CDYL: variants seen among roughly 807,000 people sequenced by gnomAD.
The protein encoded by CDYL is chromodomain Y-like protein.
In CDYL, 8 loss-of-function variants were observed where a neutral mutation model predicts 47.3. The ratio of observed to expected loss-of-function variants is 0.17; its 90% CI spans 0.10 to 0.31. CDYL has a LOEUF of 0.31. Ranked by LOEUF, CDYL falls within the 10% of genes least tolerant of loss-of-function variation. CDYL has a pLI of 1.00. For missense variants in CDYL, 471 were observed against 701.4 expected, an observed-to-expected ratio of 0.67 and a Z score of 3.71; for synonymous variants, 266 against 265.0, an observed-to-expected ratio of 1.00 and a Z score of -0.04.
intron 1 of CDYL, among the ~76,000 whole-genome samples, chr6:4,844,754 GGT>G (rs1411615610): frequency 4.0e-5 from 6 of 151,744 alleles, no homozygotes; most frequent in African/African-American, 1.5e-4. Context: ...TTTGTGCTGA[GGT>G]AAGGTAGCTT....
intron 4 of CDYL, among the ~76,000 whole-genome samples, chr6:4,939,542 A>G (rs751922871): frequency 5.9e-5 from 9 of 152,234 alleles, no homozygotes; most frequent in Non-Finnish European, 1.3e-4. Context: ...TTTACAGGCT[A>G]TCACATTATG....
chr6:4,905,983 A>G (rs949502597), intron 2 of CDYL, among the ~76,000 whole-genome samples: 2 of 152,174 alleles, frequency 1.3e-5, no homozygotes, highest in South Asian at 2.1e-4. Flanking sequence ...TTCTACAGTG[A>G]TTTAAGCCTT....
chr6:4,732,075 C>G (rs1158353068), intron 2 of CDYL, among the ~76,000 whole-genome samples: 2 of 152,170 alleles, frequency 1.3e-5, no homozygotes. Context: ...TGGTCCATCC[C>G]TGTAATCCCA....
intron 1 of CDYL, among the ~76,000 whole-genome samples, chr6:4,789,587 C>T (rs1031937092): frequency 1.3e-5 from 2 of 152,188 alleles, no homozygotes; most frequent in East Asian, 1.9e-4. Context: ...TTGAGGAGCT[C>T]TGCAGTGCTC....
rs77180197 is a variant in CDYL, at chr6:4,715,553, T to C, written c.-38-188T>C. ...TTTAAACATTGCTTTTTATTCCTTATCATTTTAAATGTGTTGCTACTTTTG... is the reference window on the plus strand; with the variant it reads ...TTTAAACATTGCTTTTTATTCCTTACCATTTTAAATGTGTTGCTACTTTTG... On this transcript the variant is annotated intron_variant, in intron 1 of 8. Transcript: ENST00000328908. Among the ~76,000 whole-genome samples the C allele has an allele frequency of 6.2e-3, 947 of 152,340 alleles. 20 individuals carry two copies. In the East Asian group the frequency reaches 0.078, roughly 13 times the overall value.
intron 3 of CDYL, among the ~76,000 whole-genome samples, chr6:4,761,711 CTAAT>C (rs1315590261): frequency 6.6e-6 from 1 of 152,226 alleles, no homozygotes; most frequent in Non-Finnish European, 1.5e-5. Flanking sequence ...ACCACCTACT[CTAAT>C]TAGCAAAATA....
chr6:4,848,933 A>G (rs1760743666), intron 1 of CDYL, among the ~76,000 whole-genome samples: 1 of 152,248 alleles, frequency 6.6e-6, no homozygotes, highest in African/African-American at 2.4e-5. Flanking sequence ...TACTTTGTTA[A>G]TAATACTTGA....
intron 1 of CDYL, among the ~76,000 whole-genome samples, chr6:4,788,903 T>C (rs1401804416): frequency 1.3e-5 from 2 of 152,092 alleles, no homozygotes; most frequent in African/African-American, 4.8e-5. Context: ...TCCTCCATTG[T>C]GCCAGGTGGA....
chr6:4,875,800 A>G (rs1273157113), intron 1 of CDYL, among the ~76,000 whole-genome samples: 1 of 152,228 alleles, frequency 6.6e-6, no homozygotes, highest in East Asian at 1.9e-4. Context: ...GAATGTTTAT[A>G]ACCCACTACA....
At chr6:4,849,372 T>TA (rs1760754006) in intron 1 of CDYL, among the ~76,000 whole-genome samples, 1 of 152,198 alleles carries the variant, frequency 6.6e-6, no homozygotes, top group South Asian at 2.1e-4. Flanking sequence ...TATGAAAACA[T>TA]ACCTTAATGA....
At chr6:4,790,310 G>A (rs1758884554) in intron 1 of CDYL, among the ~76,000 whole-genome samples, 1 of 152,220 alleles carries the variant, frequency 6.6e-6, no homozygotes, top group South Asian at 2.1e-4. Flanking sequence ...AATACTATGT[G>A]TAAGTGACCT....
chr6:4,739,433 C>A (rs1455398372), intron 3 of CDYL, among the ~76,000 whole-genome samples: 2 of 148,676 alleles, frequency 1.3e-5, no homozygotes, highest in African/African-American at 5.0e-5. Flanking sequence ...GCAGAAGAAT[C>A]ACTTGAATCT....
intron 1 of CDYL, among the ~76,000 whole-genome samples, chr6:4,781,256 C>T (rs1023404094): frequency 3.3e-5 from 5 of 152,186 alleles, no homozygotes; most frequent in Non-Finnish European, 7.3e-5. Context: ...CCTGCTCTCT[C>T]CTGTGCACCA....
intron 1 of CDYL, among the ~76,000 whole-genome samples, chr6:4,860,577 A>G (rs1761137424): frequency 6.8e-6 from 1 of 146,922 alleles, no homozygotes; most frequent in Non-Finnish European, 1.5e-5. Context: ...TATTTTGTAT[A>G]TTATGTATAA....
rs569588960 is a variant in CDYL at position 4,940,927 on chromosome 6, G to A, written c.1122-2619G>A. ...CTCAGCCATGGAAAGCAGCACACTG[G>A]CTGCCCAACTTCAGGTCCCTGCTGC... On this transcript the variant is annotated intron_variant, in intron 4 of 6. Transcript: ENST00000397588. Among the ~76,000 whole-genome samples the A allele has an allele frequency of 8.6e-4, 131 of 152,312 alleles. 1 individual carries two copies. Among genetic ancestry groups the A allele is most frequent in the Non-Finnish European group, 1.1e-3 (78 of 68,024 alleles).
At chr6:4,768,323 G>A (rs1758287381) in intron 3 of CDYL, among the ~76,000 whole-genome samples, 1 of 152,178 alleles carries the variant, frequency 6.6e-6, no homozygotes, top group Admixed American at 6.5e-5. Flanking sequence ...GAGGAACCAA[G>A]GCTCCTTGGA....
chr6:4,767,270 A>G (rs1758269440), intron 3 of CDYL, among the ~76,000 whole-genome samples: 1 of 150,294 alleles, frequency 6.7e-6, no homozygotes, highest in Non-Finnish European at 1.5e-5. Context: ...AAAAAAAAAA[A>G]AAGTTTAGAA....
chr6:4,836,709 T>G (rs1208402852), intron 1 of CDYL, among the ~76,000 whole-genome samples: 1 of 152,208 alleles, frequency 6.6e-6, no homozygotes, highest in African/African-American at 2.4e-5. Flanking sequence ...CTGTTTATAT[T>G]GAATTTAGGG....
intron 1 of CDYL, among the ~76,000 whole-genome samples, chr6:4,856,077 T>C (rs1271171788): frequency 2.0e-5 from 3 of 152,222 alleles, no homozygotes; most frequent in Non-Finnish European, 4.4e-5. Flanking sequence ...AGATCTCACA[T>C]GCTCAGCAAA....
Sources: gnomAD v4.1 joint callset for allele counts (sites outside exome capture counted in the v4.1 genomes callset) on GRCh38, gnomAD v4.1.1 for gene constraint, MANE v1.5 for transcripts, NCBI Gene and HGNC (gene_info 2026-07-23, HGNC 2026-07-21) for gene names.